ACAT1: variants seen among roughly 807,000 people sequenced by gnomAD.
ACAT1 encodes the protein acetyl-CoA acetyltransferase 1.
ACAT1 carries 28 observed loss-of-function variants against 47.3 expected under a neutral mutation model. The ratio of observed to expected loss-of-function variants is 0.59; its 90% confidence interval spans 0.44 to 0.81. ACAT1 has a LOEUF of 0.81. Ranked by LOEUF, ACAT1 falls within the 30% of genes least tolerant of loss-of-function variation. The pLI is 0.00. For missense variants in ACAT1, 469 were observed against 524.3 expected, an observed-to-expected ratio of 0.89 and a Z score of 1.03; for synonymous variants, 181 against 173.6, an observed-to-expected ratio of 1.04 and a Z score of -0.34.
At chr11:108,137,111 A>G (rs1260086562) in intron 5 of ACAT1, among the ~76,000 whole-genome samples, 1 of 152,258 alleles carries the variant, frequency 6.6e-6, no homozygotes, top group Admixed American at 6.5e-5. Context: ...ATATAATAAT[A>G]TTAAAAGCAT....
chr11:108,124,459 C>T (rs1591353302), intron 1 of ACAT1, among the ~76,000 whole-genome samples: 1 of 152,172 alleles, frequency 6.6e-6, no homozygotes, highest in East Asian at 1.9e-4. Flanking sequence ...GACGGGCTTT[C>T]ACCATGTTGG....
intron 10 of ACAT1, 162 bp from the exon 11 acceptor site, chr11:108,146,038 CTG>C: frequency 1.6e-6 from 1 of 607,980 alleles, no homozygotes; most frequent in South Asian, 1.9e-5. Flanking sequence ...CAGAGCAAGA[CTG>C]TTGGAAAAAA....
At chr11:108,138,776 C>A in intron 5 of ACAT1, 122 bp from the exon 6 acceptor site, 2 of 1,097,352 alleles carry the variant, frequency 1.8e-6, no homozygotes, top group South Asian at 1.3e-5. Flanking sequence ...CCTGTATTCA[C>A]TGTGTAACAA....
rs1433940505 is a variant in ACAT1, at chr11:108,134,255, G to T, written c.273G>T (p.Met91Ile). 3.1e-6 allele frequency: 5 copies of T among 1,613,234 alleles called. No individual in the cohort carries two copies. Among genetic ancestry groups the T allele is most frequent in the Non-Finnish European group, 4.2e-6 (5 of 1,179,648 alleles). The change falls in exon 4 of 12, where the codon ATG becomes ATT. Residue 91 changes from methionine (M) to isoleucine (I), a missense_variant. Physicochemically the swap from Met to Ile is conservative, Grantham distance 10 (BLOSUM62 1). Transcript: ENST00000265838. ...IPKEEVKEAYMGNVLQGGEGQ... is the reference protein window; with the variant it reads ...IPKEEVKEAYIGNVLQGGEGQ... ...AAGAAGAAGTGAAAGAAGCATACAT[G>T]GGTAATGTTCTACAAGGAGGTGAAG...
In ACAT1 at chr11:108,121,574, G is replaced by A. The variant is rs751838024; in HGVS notation, c.-33G>A. On this transcript the variant is annotated 5_prime_UTR_variant, in exon 1 of 12. Transcript: ENST00000265838. ...GTTGGGGAGGAGGCCGCTAGTCTACGCCTGTGGAGCCGATACTCAGCCCTC... is the reference window on the plus strand; with the variant it reads ...GTTGGGGAGGAGGCCGCTAGTCTACACCTGTGGAGCCGATACTCAGCCCTC... 1.3e-6 allele frequency: 2 copies of A among 1,548,214 alleles called. No homozygotes were observed. The highest frequency in any genetic ancestry group is 1.2e-5 in the South Asian group (1 of 84,000).
intron 11 of ACAT1, among the ~76,000 whole-genome samples, chr11:108,146,670 A>T (rs1348398943): frequency 6.6e-6 from 1 of 152,166 alleles, no homozygotes; most frequent in Non-Finnish European, 1.5e-5. Context: ...GGATGAATTT[A>T]TAGTGGTGGG....
intron 1 of ACAT1, chr11:108,121,949 T>C: frequency 1.9e-6 from 1 of 539,500 alleles, no homozygotes; most frequent in South Asian, 2.1e-5. Flanking sequence ...AGGGCACGTG[T>C]CTGGGCGGGC....
At chr11:108,121,287 T>C, upstream of ACAT1, 1 of 484,046 alleles carries the variant, frequency 2.1e-6, no homozygotes, top group South Asian at 2.2e-5. Flanking sequence ...TCGAAAAATC[T>C]CGGATTACAC....
chr11:108,138,557 C>T (rs1320916239), intron 5 of ACAT1, among the ~76,000 whole-genome samples: 1 of 151,976 alleles, frequency 6.6e-6, no homozygotes, highest in African/African-American at 2.4e-5. Context: ...CCACCACACC[C>T]AGCTAATTTT....
rs1372730932 is a variant in ACAT1 at position 108,134,282 on chromosome 11, A to G, written c.300A>G (p.Gly100=). Residue 100 remains glycine, a synonymous_variant, in exon 4 of 12, where the codon GGA becomes GGG. Coordinates refer to ENST00000265838, the MANE Select transcript of ACAT1 (RefSeq NM_000019.4). ...YMGNVLQGGE[G]QAPTRQAVLG... is the part of the protein sequence containing the mutation. ...GTAATGTTCTACAAGGAGGTGAAGG[A>G]CAAGCTCCTACAAGGCAGGCAGTAT... 6.2e-7 allele frequency: 1 copy of G among 1,613,722 alleles called. No individual in the cohort carries two copies.
intron 1 of ACAT1, chr11:108,128,752 A>G (rs1565285270): frequency 6.6e-6 from 1 of 152,236 alleles, no homozygotes; most frequent in African/African-American, 2.4e-5. Flanking sequence ...TGAAAAGGCA[A>G]CTGGAAATGG....
At chr11:108,136,435 C>T (rs540287270) in intron 5 of ACAT1, 37 of 222,818 alleles carry the variant, frequency 1.7e-4, no homozygotes, top group African/African-American at 7.9e-4. Flanking sequence ...GGATCTGCAC[C>T]ACCACTGGGT....
upstream of ACAT1, among the ~76,000 whole-genome samples, chr11:108,117,637 C>A (rs971704728): frequency 6.6e-6 from 1 of 152,074 alleles, no homozygotes; most frequent in East Asian, 1.9e-4. Context: ...ACAAACATAT[C>A]TTTTGGAAGG....
Position 108,133,939 on chromosome 11 carries a change from T to C in ACAT1, c.238+2T>C. The C allele has an allele frequency of 6.2e-7, 1 of 1,612,720 alleles. No homozygotes were observed. The highest frequency in any genetic ancestry group is 1.7e-5 in the Admixed American group (1 of 60,012). On this transcript the variant is annotated splice_donor_variant, in intron 3 of 11. Transcript: ENST00000265838. LOFTEE classifies it high-confidence loss of function. Reference sequence around the variant, plus strand: ...TTCAGGGAGCCATTGAAAAGGCAGGTCAGTAGTTACTTGGCTTTTTGTGTT... The same window carrying C: ...TTCAGGGAGCCATTGAAAAGGCAGGCCAGTAGTTACTTGGCTTTTTGTGTT...
At chr11:108,118,384 T>C (rs936165095), upstream of ACAT1, among the ~76,000 whole-genome samples, 1 of 152,228 alleles carries the variant, frequency 6.6e-6, no homozygotes, top group Non-Finnish European at 1.5e-5. Flanking sequence ...CACTTTCTTT[T>C]TTTTTTTTGA....
At chr11:108,143,935 T>TAAAAAAA in intron 9 of ACAT1, 48 bp from the exon 10 acceptor site, 3 of 789,114 alleles carry the variant, frequency 3.8e-6, no homozygotes, top group Non-Finnish European at 5.9e-6. Context: ...TTCTATACAG[T>TAAAAAAA]AAAAAAAAAA....
chr11:108,124,487 T>G (rs1377720191), intron 1 of ACAT1, among the ~76,000 whole-genome samples: 1 of 152,110 alleles, frequency 6.6e-6, no homozygotes, highest in Non-Finnish European at 1.5e-5. Context: ...GGGCTCGAAC[T>G]CCTGACCAGC....
chr11:108,134,641 G>GAAAA (rs71047674), intron 4 of ACAT1, among the ~76,000 whole-genome samples: 55 of 63,934 alleles, frequency 8.6e-4, no homozygotes, highest in African/African-American at 9.9e-4. Flanking sequence ...CTGTCTGAAA[G>GAAAA]AAAAAAAAAA....
At chr11:108,136,039 C>T (rs759480946) in intron 5 of ACAT1, 1 of 619,418 alleles carries the variant, frequency 1.6e-6, no homozygotes, top group Non-Finnish European at 2.8e-6. Flanking sequence ...TCTAATTAGC[C>T]TTGCTGATCT....
Sources: gnomAD v4.1 joint callset for allele counts (sites outside exome capture counted in the v4.1 genomes callset) on GRCh38, gnomAD v4.1.1 for gene constraint, MANE v1.5 for transcripts, NCBI Gene and HGNC (gene_info 2026-07-23, HGNC 2026-07-21) for gene names.